Variants in RTF1 observed in about 807,000 individuals in gnomAD.
RTF1 encodes the protein RNA polymerase-associated protein RTF1 homolog.
A neutral mutation model predicts 95.7 loss-of-function variants in RTF1; 10 were observed. The ratio of observed to expected loss-of-function variants is 0.10; its 90% CI spans 0.06 to 0.18. The LOEUF is 0.18. Among genes scored for constraint, RTF1 ranks in the 10% least tolerant of loss-of-function variants. The pLI, the probability that RTF1 is intolerant of heterozygous loss-of-function variation, is 1.00. For missense variants in RTF1, 458 were observed against 875.6 expected (o/e 0.52, Z 6.02); for synonymous variants, 305 against 311.8 (o/e 0.98, Z 0.23).
intron 2 of RTF1, among the ~76,000 whole-genome samples, chr15:41,440,601 T>C (rs1486596869): frequency 6.6e-6 from 1 of 151,624 alleles, no homozygotes; most frequent in Admixed American, 6.6e-5. Context: ...GCAATTTTCC[T>C]GTCTCAACCT....
chr15:41,450,036 A>C lies in RTF1; in HGVS notation c.310-2865A>C, dbSNP rs191760654. 3.6e-3 allele frequency among the ~76,000 whole-genome samples: 548 copies of C among 151,932 alleles called. 3 individuals carry two copies. The highest frequency in any genetic ancestry group is 0.012 in the African/African-American group (510 of 41,450). ...CATAGTGAGACCTCCTCTCTACAAAAAGTTAACAAATTAGCCAGGTATAGT... is the reference window on the plus strand; with the variant it reads ...CATAGTGAGACCTCCTCTCTACAAACAGTTAACAAATTAGCCAGGTATAGT... On this transcript the variant is annotated intron_variant, in intron 2 of 17. Transcript: ENST00000389629.
In RTF1 at chr15:41,481,000, G is replaced by A. The variant is rs1002198415; in HGVS notation, c.*313G>A. ...GCGCAGTTCATTGGCCACTCTGCAC[G>A]CATTCAGTATTACCATGGAGCTGGG... On this transcript the variant is annotated 3_prime_UTR_variant, in exon 18 of 18. Transcript: ENST00000389629. 3 of 298,072 alleles carry A rather than the reference G, an allele frequency of 1.0e-5. No individual in the cohort carries two copies. The highest frequency in any genetic ancestry group is 4.3e-5 in the African/African-American group (2 of 47,030). The allele number at this position is 298,072 out of a possible 1,614,324, so 18.5% of individuals were successfully genotyped here.
intron 2 of RTF1, among the ~76,000 whole-genome samples, chr15:41,443,803 C>CA (rs2050747137): frequency 6.6e-6 from 1 of 151,990 alleles, no homozygotes; most frequent in South Asian, 2.1e-4. Flanking sequence ...TGCAGTGGCT[C>CA]ACGCCTGTAA....
At chr15:41,422,614 A>G (rs937956276) in intron 1 of RTF1, among the ~76,000 whole-genome samples, 1 of 152,222 alleles carries the variant, frequency 6.6e-6, no homozygotes, top group Non-Finnish European at 1.5e-5. Context: ...TACCTTTCTA[A>G]AAAACTAAAA....
At chr15:41,452,855 A>G (rs1476237870) in intron 2 of RTF1, 46 bp from the exon 3 acceptor site, 12 of 1,391,872 alleles carry the variant, frequency 8.6e-6, no homozygotes, top group Non-Finnish European at 1.1e-5. Flanking sequence ...TTCCCAATAA[A>G]GTCCCTATTC....
chr15:41,467,417 G>A (rs2050885923), intron 6 of RTF1, among the ~76,000 whole-genome samples: 1 of 152,066 alleles, frequency 6.6e-6, no homozygotes, highest in African/African-American at 2.4e-5. Flanking sequence ...TGAAGAATTA[G>A]AAAGGATACT....
intron 12 of RTF1, 67 bp downstream of exon 12, chr15:41,476,590 C>A: frequency 1.4e-6 from 2 of 1,417,228 alleles, no homozygotes; most frequent in Non-Finnish European, 2.0e-6. Flanking sequence ...ACTTGTTCAT[C>A]CTCTGCCAAG....
chr15:41,439,950 C>A (rs1264398207), intron 2 of RTF1, among the ~76,000 whole-genome samples: 2 of 152,158 alleles, frequency 1.3e-5, no homozygotes, highest in Non-Finnish European at 2.9e-5. Context: ...TTGCACCCAG[C>A]CTTTCATTTG....
chr15:41,468,708 G>A (rs1319976738), intron 6 of RTF1, among the ~76,000 whole-genome samples: 6 of 152,040 alleles, frequency 3.9e-5, no homozygotes, highest in Non-Finnish European at 7.4e-5. Context: ...TTTTCCTTTC[G>A]TTTACCAGTT....
At chr15:41,450,759 T>C (rs1171127858) in intron 2 of RTF1, among the ~76,000 whole-genome samples, 1 of 151,908 alleles carries the variant, frequency 6.6e-6, no homozygotes, top group Non-Finnish European at 1.5e-5. Flanking sequence ...AGACCAGCCT[T>C]AGTGACATAG....
Position 41,423,900 on chromosome 15 carries a change from GC to G in RTF1, c.198+6588del, listed in dbSNP as rs2050615711. ...CCCAAGTAGCTGGGATTACAGGTAT[GC>G]ACCACCATGCCCGACTAATTTTTGT... is the stretch of plus-strand genomic sequence containing the variant. On this transcript the variant is annotated intron_variant, in intron 1 of 17. Transcript: ENST00000389629. 2.0e-5 allele frequency among the ~76,000 whole-genome samples: 3 copies of G among 152,050 alleles called. No individual in the cohort carries two copies. In the East Asian group the frequency reaches 5.8e-4, roughly 29 times the overall value.
At chr15:41,463,648 A>T (rs960923695) in intron 4 of RTF1, among the ~76,000 whole-genome samples, 4 of 151,936 alleles carry the variant, frequency 2.6e-5, no homozygotes, top group Admixed American at 2.0e-4. Context: ...TGTCCAGCCA[A>T]TTTTTAAAAT....
chr15:41,469,611 C>T (rs7180492), intron 6 of RTF1, among the ~76,000 whole-genome samples: 18,024 of 151,630 alleles, frequency 0.12, 1,437 homozygotes, highest in African/African-American at 0.23. Context: ...CTGCAACCTC[C>T]GCCTCCCGGG....
intron 14 of RTF1, 33 bp downstream of exon 14, chr15:41,477,548 A>G: frequency 6.3e-7 from 1 of 1,579,592 alleles, no homozygotes; most frequent in Non-Finnish European, 8.7e-7. Flanking sequence ...ACTAAAACAA[A>G]GTTAATTAAT....
At chr15:41,441,308 T>C (rs2050734809) in intron 2 of RTF1, among the ~76,000 whole-genome samples, 1 of 152,178 alleles carries the variant, frequency 6.6e-6, no homozygotes, top group African/African-American at 2.4e-5. Flanking sequence ...TTATTTTTCA[T>C]GTTTCAGAAG....
At chr15:41,475,184 G>A (rs1461213821) in intron 9 of RTF1, among the ~76,000 whole-genome samples, 1 of 152,182 alleles carries the variant, frequency 6.6e-6, no homozygotes, top group African/African-American at 2.4e-5. Flanking sequence ...GGAACTCCTG[G>A]GCTCAGGTGA....
chr15:41,417,266 A>T lies in RTF1; in HGVS notation c.151A>T (p.Ile51Phe). ...MVKKRKGRVV[I>F]DSDTEDSGSD... ...AAAGAAGCGGAAAGGCCGCGTCGTG[A>T]TCGACTCGGACACAGAGGACAGCGG... Residue 51 changes from isoleucine to phenylalanine, a missense_variant, in exon 1 of 18, where the codon ATC becomes TTC. By Grantham distance (21) the Ile-to-Phe change is conservative. This residue lies in a region of RTF1 where 44 missense variants were observed against 99.5 expected (regional missense o/e 0.44). Transcript: ENST00000389629. 8.0e-7 allele frequency: 1 copy of T among 1,251,998 alleles called. No homozygotes were observed. Among genetic ancestry groups the T allele is most frequent in the East Asian group, 3.2e-5 (1 of 31,740 alleles). 77.6% of individuals were successfully genotyped at this position (1,251,998 alleles called of 1,614,324 possible). A position where few individuals can be genotyped will look rare whatever the true frequency, so the allele number is the denominator to read the frequency against.
At chr15:41,427,927 C>G (rs1479733890) in intron 1 of RTF1, among the ~76,000 whole-genome samples, 2 of 151,830 alleles carry the variant, frequency 1.3e-5, no homozygotes, top group Admixed American at 6.6e-5. Context: ...GCTGGGATTA[C>G]AAGTGTCCGC....
At position 41,417,304 on chromosome 15, in the gene RTF1, C is replaced by T. The variant is rs768492460; in HGVS notation, c.189C>T (p.Asn63=). 3.0e-5 allele frequency: 38 copies of T among 1,247,454 alleles called. No individual in the cohort carries two copies. Among genetic ancestry groups the T allele is most frequent in the Non-Finnish European group, 3.5e-5 (35 of 988,022 alleles). The allele number at this position is 1,247,454 out of a possible 1,614,324, so 77.3% of individuals were successfully genotyped here. Residue 63 remains asparagine (N), a synonymous_variant, in exon 1 of 18, where the codon AAC becomes AAT. Coordinates refer to ENST00000389629, the MANE Select transcript of RTF1 (RefSeq NM_015138.5). ...CAGAGGACAGCGGCAGCGACGAGAACCTGGATCAGGTGAGGGCAGGCCGCG... is the reference window on the plus strand; with the variant it reads ...CAGAGGACAGCGGCAGCGACGAGAATCTGGATCAGGTGAGGGCAGGCCGCG... The part of the protein sequence containing the change: ...SDTEDSGSDE[N]LDQELLSLAK...
Sources: allele counts gnomAD v4.1 joint callset (sites outside exome capture counted in the v4.1 genomes callset), GRCh38; gene constraint gnomAD v4.1.1; regional missense constraint gnomAD v4.1.1; transcripts MANE v1.5; gene names NCBI Gene and HGNC (gene_info 2026-07-23, HGNC 2026-07-21).